RPA2: variants seen among roughly 807,000 people sequenced by gnomAD.
RPA2 encodes the protein replication protein A 32 kDa subunit.
RPA2 carries 22 observed loss-of-function variants against 33.4 expected under a neutral mutation model. The observed-to-expected ratio is 0.66, with a 90% CI of 0.47 to 0.94. The LOEUF (loss-of-function observed/expected upper bound fraction) is 0.94, where lower values mean the gene tolerates loss of function less well. RPA2 is among the 40% of genes least tolerant of loss of function. RPA2 has a pLI of 0.00. For missense variants in RPA2, 279 were observed against 329.9 expected (o/e 0.85, Z 1.19); for synonymous variants, 109 against 114.9 (o/e 0.95, Z 0.33).
intron 4 of RPA2, among the ~76,000 whole-genome samples, chr1:27,902,811 A>C (rs1047465553): frequency 6.6e-6 from 1 of 152,160 alleles, no homozygotes; most frequent in Non-Finnish European, 1.5e-5. Flanking sequence ...CTCATGCATG[A>C]CTGAAGCGTA....
intron 8 of RPA2, among the ~76,000 whole-genome samples, chr1:27,892,718 G>T (rs1003760723): frequency 2.0e-5 from 3 of 152,128 alleles, no homozygotes; most frequent in Non-Finnish European, 2.9e-5. Context: ...AGGTCCTCAG[G>T]GTTAGTGTCA....
At chr1:27,909,677 G>A (rs1307784907) in intron 2 of RPA2, among the ~76,000 whole-genome samples, 2 of 151,548 alleles carry the variant, frequency 1.3e-5, no homozygotes, top group African/African-American at 2.4e-5. Flanking sequence ...TCATACCATT[G>A]CACTCCAGCC....
intron 6 of RPA2, among the ~76,000 whole-genome samples, chr1:27,895,240 G>GT (rs2089874826): frequency 6.6e-6 from 1 of 152,266 alleles, no homozygotes; most frequent in East Asian, 1.9e-4. Context: ...ATGCCAACAT[G>GT]GTGAAACCCC....
rs749219918 is a variant in RPA2 at position 27,897,106 on chromosome 1, C to T, written c.424G>A (p.Val142Ile). 1.2e-6 allele frequency: 2 copies of T among 1,609,882 alleles called. No homozygotes were observed. Among genetic ancestry groups the T allele is most frequent in the Non-Finnish European group, 1.7e-6 (2 of 1,178,682 alleles). The stretch of plus-strand genomic sequence containing the variant: ...TCCAGGGGCATGATCTTAAAGGCTA[C>T]CAGGCTCTTTTTGTTCTATTAAAAT... ...LRSFQNKKSL[V>I]AFKIMPLEDM... The change falls in exon 6 of 9, where the codon GTA (valine) becomes ATA (isoleucine). Residue 142 changes from valine to isoleucine, a missense_variant. This residue lies in a region of RPA2 where 274 missense variants were observed against 310.3 expected (regional missense o/e 0.88). Coordinates refer to ENST00000373912, the MANE Select transcript of RPA2 (RefSeq NM_002946.5).
At chr1:27,909,212 G>A (rs934262750) in intron 2 of RPA2, among the ~76,000 whole-genome samples, 7 of 152,190 alleles carry the variant, frequency 4.6e-5, no homozygotes, top group African/African-American at 1.7e-4. Flanking sequence ...GGAAGACTTA[G>A]AACACAGTAG....
chr1:27,910,995 C>T (rs912554186), intron 2 of RPA2, among the ~76,000 whole-genome samples: 6 of 152,094 alleles, frequency 3.9e-5, no homozygotes, highest in African/African-American at 1.4e-4. Flanking sequence ...AAGAGCAGAT[C>T]GCCTGACGTC....
At chr1:27,894,179 T>C (rs777027568) in intron 7 of RPA2, 73 bp from the exon 8 acceptor site, 26 of 1,514,602 alleles carry the variant, frequency 1.7e-5, no homozygotes, top group Non-Finnish European at 2.4e-5. Context: ...TGAGTCCCTT[T>C]ATAGAAAAGA....
At chr1:27,899,562 T>C (rs998948961) in intron 4 of RPA2, among the ~76,000 whole-genome samples, 8 of 146,506 alleles carry the variant, frequency 5.5e-5, no homozygotes, top group Non-Finnish European at 1.1e-4. Flanking sequence ...TATTCCCATA[T>C]ACAACATTTT....
chr1:27,913,366 A>G (rs1571626635), intron 2 of RPA2, among the ~76,000 whole-genome samples: 1 of 150,712 alleles, frequency 6.6e-6, no homozygotes, highest in Non-Finnish European at 1.5e-5. Context: ...AGGCGGGTGG[A>G]TTACCTGAGT....
chr1:27,901,218 C>T (rs1246839870), intron 4 of RPA2, among the ~76,000 whole-genome samples: 1 of 152,198 alleles, frequency 6.6e-6, no homozygotes, highest in Non-Finnish European at 1.5e-5. Context: ...GAAATTGCCA[C>T]AGCCAGCTCA....
chr1:27,914,378 C>T (rs954772149), intron 1 of RPA2, 56 bp downstream of exon 1: 1 of 1,613,916 alleles, frequency 6.2e-7, no homozygotes, highest in Non-Finnish European at 8.5e-7. Flanking sequence ...GGCTCGCCCT[C>T]TTGCTAAAAC....
intron 6 of RPA2, among the ~76,000 whole-genome samples, chr1:27,895,346 CGA>C (rs1470269712): frequency 2.0e-5 from 3 of 152,046 alleles, no homozygotes; most frequent in African/African-American, 7.2e-5. Flanking sequence ...TGCTTGAACC[CGA>C]GAGGCGGAGG....
chr1:27,908,942 G>T (rs1241684231), intron 2 of RPA2, among the ~76,000 whole-genome samples: 1 of 152,200 alleles, frequency 6.6e-6, no homozygotes, highest in African/African-American at 2.4e-5. Flanking sequence ...AGGTACAAAG[G>T]TAAACAATAA....
intron 6 of RPA2, among the ~76,000 whole-genome samples, chr1:27,895,316 C>T (rs1210688986): frequency 3.9e-5 from 6 of 152,012 alleles, no homozygotes; most frequent in East Asian, 1.9e-4. Context: ...CAGATACTGG[C>T]GAGGCTGAGG....
intron 4 of RPA2, among the ~76,000 whole-genome samples, chr1:27,899,946 C>G (rs1386920852): frequency 6.6e-6 from 1 of 151,448 alleles, no homozygotes; most frequent in Non-Finnish European, 1.5e-5. Flanking sequence ...TCCCAAAGTG[C>G]TGGGATTACA....
chr1:27,906,108 G>A (rs970074743), intron 4 of RPA2, among the ~76,000 whole-genome samples: 4 of 152,238 alleles, frequency 2.6e-5, no homozygotes, highest in Non-Finnish European at 5.9e-5. Flanking sequence ...GAGGGCTCAT[G>A]CCTGTAATCC....
chr1:27,896,453 C>G (rs1443962016), intron 6 of RPA2, among the ~76,000 whole-genome samples: 1 of 152,278 alleles, frequency 6.6e-6, no homozygotes, highest in East Asian at 1.9e-4. Context: ...AGGCCATGAA[C>G]CACCACACCT....
At chr1:27,914,000 T>C in intron 2 of RPA2, 63 bp downstream of exon 2, 1 of 1,442,406 alleles carries the variant, frequency 6.9e-7, no homozygotes, top group Non-Finnish European at 9.3e-7. Context: ...AAAGTTTCTG[T>C]CATAGATGAC....
intron 5 of RPA2, 34 bp from the exon 6 acceptor site, chr1:27,897,155 T>C: frequency 1.4e-6 from 2 of 1,427,452 alleles, no homozygotes; most frequent in South Asian, 2.4e-5. Flanking sequence ...GTGAATAAAA[T>C]ATGAACATAC....
Sources: allele counts gnomAD v4.1 joint callset (sites outside exome capture counted in the v4.1 genomes callset), GRCh38; gene constraint gnomAD v4.1.1; regional missense constraint gnomAD v4.1.1; transcripts MANE v1.5; gene names NCBI Gene and HGNC (gene_info 2026-07-23, HGNC 2026-07-21).